LAPTM4B: variants seen among roughly 807,000 people sequenced by gnomAD.
LAPTM4B encodes the protein lysosomal protein transmembrane 4 beta.
LAPTM4B carries 26 observed loss-of-function variants against 28.5 expected under a neutral mutation model. The observed-to-expected ratio is 0.91, with a 90% CI of 0.67 to 1.27. The LOEUF is 1.27. Ranked by LOEUF, LAPTM4B falls within the 50% of genes most tolerant of loss-of-function variation. LAPTM4B has a pLI of 0.00. For synonymous variants in LAPTM4B, 109 were observed against 106.4 expected (o/e 1.02, Z -0.15); for missense variants, 288 against 285.8 (o/e 1.01, Z -0.06).
intron 1 of LAPTM4B, among the ~76,000 whole-genome samples, chr8:97,789,925 A>G (rs1002286471): frequency 2.6e-5 from 4 of 152,174 alleles, no homozygotes; most frequent in African/African-American, 4.8e-5. Flanking sequence ...CGTGAGTTCA[A>G]TGGTTTAAAG....
In LAPTM4B at chr8:97,850,314, G is replaced by A. The variant is rs897631823; in HGVS notation, c.604-1083G>A. ...ACAGGCTTTTCGGGGGCCGGCCTAA[G>A]TGGCACCTCCGTCACTCCGCAAACA... On this transcript the variant is annotated intron_variant, in intron 6 of 6. Coordinates refer to ENST00000521545, the MANE Select transcript of LAPTM4B (RefSeq NM_018407.6). Among the ~76,000 whole-genome samples the A allele has an allele frequency of 2.0e-5, 3 of 151,842 alleles. 1 individual carries two copies. Among genetic ancestry groups the A allele is most frequent in the Admixed American group, 2.0e-4 (3 of 15,276 alleles).
At chr8:97,813,339 G>A (rs984397318) in intron 2 of LAPTM4B, among the ~76,000 whole-genome samples, 5 of 152,232 alleles carry the variant, frequency 3.3e-5, no homozygotes, top group East Asian at 3.9e-4. Context: ...CATCCAGCAC[G>A]GGAGAAAGAT....
At chr8:97,816,552 CT>C (rs1244855471) in intron 4 of LAPTM4B, among the ~76,000 whole-genome samples, 1 of 152,170 alleles carries the variant, frequency 6.6e-6, no homozygotes, top group African/African-American at 2.4e-5. Flanking sequence ...CCATCTTGGC[CT>C]CCCAAAGTGC....
chr8:97,800,870 G>C (rs1290745922), intron 1 of LAPTM4B, among the ~76,000 whole-genome samples: 1 of 151,946 alleles, frequency 6.6e-6, no homozygotes, highest in Non-Finnish European at 1.5e-5. Context: ...CCAGGACTTC[G>C]GGAGGCCGGG....
At chr8:97,791,155 C>G (rs1816490917) in intron 1 of LAPTM4B, among the ~76,000 whole-genome samples, 1 of 152,160 alleles carries the variant, frequency 6.6e-6, no homozygotes, top group African/African-American at 2.4e-5. Flanking sequence ...AGCCACTTGC[C>G]TTGGCCTCCC....
chr8:97,833,195 G>A (rs763989778), intron 6 of LAPTM4B, among the ~76,000 whole-genome samples: 11 of 151,886 alleles, frequency 7.2e-5, no homozygotes, highest in African/African-American at 9.7e-5. Context: ...TTAGCCGGGC[G>A]TGGTGGCACA....
rs970003594 is a variant in LAPTM4B, at chr8:97,775,901, G to A, written c.-109G>A. 5 of 1,457,802 alleles carry A rather than the reference G, an allele frequency of 3.4e-6. No individual in the cohort carries two copies. The highest frequency in any genetic ancestry group is 4.8e-4 in the Middle Eastern group (2 of 4,172). The allele number at this position is 1,457,802 out of a possible 1,614,324, so 90.3% of individuals were successfully genotyped here. ...CGCGGGCGCACGGGCGAGCGGGCCG[G>A]GAGCCGGAGCGGCGGAGGAGCCGGC... On this transcript the variant is annotated 5_prime_UTR_variant, in exon 1 of 7. Coordinates refer to ENST00000521545, the MANE Select transcript of LAPTM4B (RefSeq NM_018407.6).
At chr8:97,804,430 C>G (rs1816729965) in intron 1 of LAPTM4B, among the ~76,000 whole-genome samples, 3 of 152,150 alleles carry the variant, frequency 2.0e-5, no homozygotes, top group Non-Finnish European at 4.4e-5. Flanking sequence ...CGTATATGGA[C>G]AGGAGACTTG....
intron 1 of LAPTM4B, among the ~76,000 whole-genome samples, chr8:97,788,915 C>G (rs1016008602): frequency 6.6e-6 from 1 of 150,898 alleles, no homozygotes; most frequent in African/African-American, 2.4e-5. Flanking sequence ...AGGTTGGTCT[C>G]GAACTCCTGA....
In LAPTM4B at chr8:97,775,886, C is replaced by G; in HGVS notation, c.-124C>G. ...TCGAGGAGGCAGGCCCGCGGGCGCA[C>G]GGGCGAGCGGGCCGGGAGCCGGAGC... On this transcript the variant is annotated 5_prime_UTR_variant, in exon 1 of 7. Transcript: ENST00000521545. 1 of 1,434,908 alleles carries G rather than the reference C, an allele frequency of 7.0e-7. No individual in the cohort carries two copies. The highest frequency in any genetic ancestry group is 9.1e-7 in the Non-Finnish European group (1 of 1,098,464). 88.9% of individuals were successfully genotyped at this position (1,434,908 alleles called of 1,614,324 possible). A position where few individuals can be genotyped will look rare whatever the true frequency, so the allele number is the denominator to read the frequency against.
At chr8:97,800,924 C>T (rs907247903) in intron 1 of LAPTM4B, among the ~76,000 whole-genome samples, 1 of 151,928 alleles carries the variant, frequency 6.6e-6, no homozygotes, top group Non-Finnish European at 1.5e-5. Context: ...CCAGTCTGGG[C>T]AACATAGTGA....
chr8:97,786,701 GAAA>G (rs147660476), intron 1 of LAPTM4B, among the ~76,000 whole-genome samples: 1 of 89,270 alleles, frequency 1.1e-5, no homozygotes. Context: ...TCCCGTCTCA[GAAA>G]AAAAAAAAAA....
chr8:97,796,221 A>G (rs1324178206), intron 1 of LAPTM4B, among the ~76,000 whole-genome samples: 1 of 152,148 alleles, frequency 6.6e-6, no homozygotes, highest in Non-Finnish European at 1.5e-5. Flanking sequence ...GATTATAAGC[A>G]CCAGCCAGTT....
chr8:97,789,210 A>G (rs926889889), intron 1 of LAPTM4B, among the ~76,000 whole-genome samples: 3 of 151,326 alleles, frequency 2.0e-5, no homozygotes, highest in African/African-American at 7.3e-5. Context: ...AGTAGCTGGG[A>G]TTACAGGCAA....
At chr8:97,797,353 G>C (rs1816606112) in intron 1 of LAPTM4B, among the ~76,000 whole-genome samples, 1 of 151,908 alleles carries the variant, frequency 6.6e-6, no homozygotes, top group South Asian at 2.1e-4. Flanking sequence ...GCCTGGTCTC[G>C]AACTCCCGAC....
At chr8:97,840,986 C>T (rs942612818) in intron 6 of LAPTM4B, among the ~76,000 whole-genome samples, 1 of 150,198 alleles carries the variant, frequency 6.7e-6, no homozygotes, top group South Asian at 2.1e-4. Context: ...ACTTCCCAGA[C>T]GGTGGGGAGC....
At chr8:97,784,971 G>A (rs571700901) in intron 1 of LAPTM4B, among the ~76,000 whole-genome samples, 3 of 152,276 alleles carry the variant, frequency 2.0e-5, no homozygotes, top group Admixed American at 6.5e-5. Flanking sequence ...GATAGGGAAG[G>A]ACATTGGATT....
At chr8:97,776,402 C>T (rs1042064207) in intron 1 of LAPTM4B, among the ~76,000 whole-genome samples, 1 of 152,356 alleles carries the variant, frequency 6.6e-6, no homozygotes, top group Non-Finnish European at 1.5e-5. Context: ...CGCGCAGCCC[C>T]GCGGCCTCGC....
At position 97,815,346 on chromosome 8, in the gene LAPTM4B, C is replaced by A. The variant is rs777507821; in HGVS notation, c.230C>A (p.Ala77Glu). 4.8e-5 allele frequency: 78 copies of A among 1,613,784 alleles called. No homozygotes were observed. The highest frequency in any genetic ancestry group is 6.4e-5 in the Non-Finnish European group (75 of 1,179,888). The change falls in exon 3 of 7, where the codon GCG becomes GAG. Residue 77 changes from alanine to glutamate, a missense_variant. Transcript: ENST00000521545. ...MDDANMCIAIAISLLMILICA... is the reference protein window; with the variant it reads ...MDDANMCIAIEISLLMILICA... The stretch of plus-strand genomic sequence containing the variant: ...TCGGCAGACATGTGCATTGCCATTG[C>A]GATTTCTCTTCTCATGATCCTGATA...
Sources: gnomAD v4.1 joint callset for allele counts (sites outside exome capture counted in the v4.1 genomes callset) on GRCh38, gnomAD v4.1.1 for gene constraint, MANE v1.5 for transcripts, NCBI Gene and HGNC (gene_info 2026-07-23, HGNC 2026-07-21) for gene names.